The following XKR7 variants were observed in gnomAD, a reference collection of about 807,000 sequenced individuals.
XKR7 encodes the protein XK related 7.
In XKR7, 11 loss-of-function variants were observed where a neutral mutation model predicts 42.2. That is an observed-to-expected ratio of 0.26 (90% CI 0.16 to 0.43). The LOEUF (loss-of-function observed/expected upper bound fraction) is 0.43, where lower values mean the gene tolerates loss of function less well. XKR7 is among the 20% of genes least tolerant of loss of function. XKR7 has a pLI of 1.00. For synonymous variants in XKR7, 346 were observed against 366.4 expected (o/e 0.94, Z 0.64); for missense variants, 710 against 802.2 (o/e 0.89, Z 1.39).
chr20:31,976,472 C>T (rs1019671992), intron 1 of XKR7, among the ~76,000 whole-genome samples: 7 of 151,948 alleles, frequency 4.6e-5, no homozygotes, highest in Admixed American at 3.3e-4. Context: ...GCAACCTCTG[C>T]CTCCCCGGTT....
At position 31,997,001 on chromosome 20, in the gene XKR7, C is replaced by T. The variant is rs778853999; in HGVS notation, c.1284C>T (p.Gly428=). ...TAGTGGCCTCCAGCTTTGCGCTGGGCATATTCTTCATGTGTGTCTACTACT... is the reference window on the plus strand; with the variant it reads ...TAGTGGCCTCCAGCTTTGCGCTGGGTATATTCTTCATGTGTGTCTACTACT... ...VCVVASSFAL[G]IFFMCVYYCL... is the part of the protein sequence containing the mutation. Residue 428 remains glycine (G), a synonymous_variant, in exon 3 of 3, where the codon GGC becomes GGT. Coordinates refer to ENST00000562532, the MANE Select transcript of XKR7 (RefSeq NM_001011718.2). 1 of 1,614,098 alleles carries T rather than the reference C, an allele frequency of 6.2e-7. No homozygotes were observed. Among genetic ancestry groups the T allele is most frequent in the Admixed American group, 1.7e-5 (1 of 60,030 alleles).
Position 32,000,297 on chromosome 20 carries a change from C to T in XKR7, c.*2840C>T, listed in dbSNP as rs940399286. 1 of 152,556 alleles carries T rather than the reference C, an allele frequency of 6.6e-6. No individual in the cohort carries two copies. The highest frequency in any genetic ancestry group is 2.4e-5 in the African/African-American group (1 of 41,434). The allele number at this position is 152,556 out of a possible 1,614,324, so 9.5% of individuals were successfully genotyped here. ...AGCTGTTTTGTTTTTCTTTCTGTGA[C>T]ACAATCTACCTCAGCCAGTCTCTCC... On this transcript the variant is annotated 3_prime_UTR_variant, in exon 3 of 3. Coordinates refer to ENST00000562532, the MANE Select transcript of XKR7 (RefSeq NM_001011718.2).
chr20:31,979,542 G>C (rs1274302892), intron 1 of XKR7, among the ~76,000 whole-genome samples: 1 of 152,176 alleles, frequency 6.6e-6, no homozygotes, highest in Non-Finnish European at 1.5e-5. Flanking sequence ...CAGGGCATCA[G>C]TTGGCTGGAA....
chr20:31,988,225 T>C (rs1401245549), intron 1 of XKR7, among the ~76,000 whole-genome samples: 1 of 152,172 alleles, frequency 6.6e-6, no homozygotes, highest in East Asian at 1.9e-4. Flanking sequence ...AGAAGCTTCC[T>C]GGCTTCTCAA....
chr20:31,971,029 C>T (rs149077698), intron 1 of XKR7, among the ~76,000 whole-genome samples: 6 of 152,312 alleles, frequency 3.9e-5, no homozygotes, highest in Non-Finnish European at 8.8e-5. Context: ...TTCAATTTAT[C>T]CACCTTGTAA....
chr20:31,973,667 GA>G (rs1332692872), intron 1 of XKR7, among the ~76,000 whole-genome samples: 1 of 152,104 alleles, frequency 6.6e-6, no homozygotes, highest in African/African-American at 2.4e-5. Context: ...GCAGGCAAAG[GA>G]AAAGGGAAGG....
intron 1 of XKR7, among the ~76,000 whole-genome samples, chr20:31,980,131 GAAAAAAA>G (rs397968046): frequency 3.1e-5 from 3 of 95,464 alleles, no homozygotes; most frequent in African/African-American, 7.1e-5. Flanking sequence ...CTTTAGCCCA[GAAAAAAA>G]AAAAAAAAAA....
chr20:31,994,973 G>A, intron 1 of XKR7, 95 bp from the exon 2 acceptor site: 1 of 1,508,216 alleles, frequency 6.6e-7, no homozygotes, highest in Non-Finnish European at 8.8e-7. Flanking sequence ...CGTAGGGAGT[G>A]ACTTGCCCCC....
chr20:31,993,891 G>A (rs887290133), intron 1 of XKR7, among the ~76,000 whole-genome samples: 5 of 152,212 alleles, frequency 3.3e-5, no homozygotes, highest in Admixed American at 6.5e-5. Context: ...GTCATCCCGG[G>A]TTGGGGCCGG....
At chr20:31,985,781 C>CACAG (rs34231055) in intron 1 of XKR7, among the ~76,000 whole-genome samples, 37,701 of 112,556 alleles carry the variant, frequency 0.33, 7,769 homozygotes, top group African/African-American at 0.51. Flanking sequence ...GCATCCAAGA[C>CACAG]ACAGACAGAC....
chr20:31,997,433 G>T lies in XKR7; in HGVS notation c.1716G>T (p.Leu572=). ...GGAGTGTGGGGACTTCCCAGGAGCT[G>T]CTGGAGTATGAGACCACAGTGTAGG... is the stretch of plus-strand genomic sequence containing the variant. ...QYRSVGTSQE[L]LEYETTV is the part of the protein sequence containing the mutation. Residue 572 remains leucine (L), a synonymous_variant, in exon 3 of 3, where the codon CTG becomes CTT. Coordinates refer to ENST00000562532, the MANE Select transcript of XKR7 (RefSeq NM_001011718.2). 1 of 1,598,182 alleles carries T rather than the reference G, an allele frequency of 6.3e-7. No individual in the cohort carries two copies. The highest frequency in any genetic ancestry group is 8.5e-7 in the Non-Finnish European group (1 of 1,179,328).
intron 1 of XKR7, among the ~76,000 whole-genome samples, chr20:31,985,493 C>T (rs764660172): frequency 6.6e-6 from 1 of 151,976 alleles, no homozygotes. Context: ...CACCAAGCCA[C>T]GAGCTGAGCA....
At position 31,996,700 on chromosome 20, in the gene XKR7, T is replaced by C. The variant is rs1354377856; in HGVS notation, c.983T>C (p.Phe328Ser). 1 of 1,611,878 alleles carries C rather than the reference T, an allele frequency of 6.2e-7. No homozygotes were observed. The highest frequency in any genetic ancestry group is 1.1e-5 in the South Asian group (1 of 90,800). ...ALFASVYKLYFGIFIVAHWCV... is the reference protein window; with the variant it reads ...ALFASVYKLYSGIFIVAHWCV... ...TTCGCCAGCGTCTACAAGCTCTATT[T>C]TGGCATCTTCATCGTGGCCCACTGG... is the stretch of plus-strand genomic sequence containing the variant. The change falls in exon 3 of 3, where the codon TTT (phenylalanine) becomes TCT (serine). Residue 328 changes from phenylalanine (F) to serine (S), a missense_variant. By Grantham distance (155) the Phe-to-Ser change is radical. Transcript: ENST00000562532.
At chr20:31,985,872 CACAG>C (rs796410926) in intron 1 of XKR7, among the ~76,000 whole-genome samples, 8 of 135,962 alleles carry the variant, frequency 5.9e-5, no homozygotes, top group Admixed American at 2.2e-4. Flanking sequence ...AGCATCCAGA[CACAG>C]ACAGACAGAC....
Position 31,995,600 on chromosome 20 carries a change from T to G in XKR7, c.787+330T>G, listed in dbSNP as rs548007232. ...AAACCCCATCTCCCACCCAAACACCTTAGACCCTCTGGGGAATCCCCTGCC... is the reference window on the plus strand; with the variant it reads ...AAACCCCATCTCCCACCCAAACACCGTAGACCCTCTGGGGAATCCCCTGCC... On this transcript the variant is annotated intron_variant, in intron 2 of 2. Coordinates refer to ENST00000562532, the MANE Select transcript of XKR7 (RefSeq NM_001011718.2). The surrounding 1 kb of genome is among the most constrained non-coding windows in gnomAD (Gnocchi z 4.1). Among the ~76,000 whole-genome samples the G allele has an allele frequency of 3.3e-5, 5 of 151,784 alleles. No homozygotes were observed. The South Asian group carries it at 8.3e-4, about 25-fold the overall frequency.
chr20:31,972,494 C>T (rs1236934790), intron 1 of XKR7, among the ~76,000 whole-genome samples: 1 of 152,186 alleles, frequency 6.6e-6, no homozygotes, highest in African/African-American at 2.4e-5. Flanking sequence ...CCCTCCCTTC[C>T]CTTTAAACTC....
chr20:31,994,823 C>T (rs2064583465), intron 1 of XKR7, among the ~76,000 whole-genome samples: 2 of 152,216 alleles, frequency 1.3e-5, no homozygotes, highest in South Asian at 4.1e-4. Flanking sequence ...AAGGGCGATA[C>T]CGCTGTTGTA....
At position 31,993,825 on chromosome 20, in the gene XKR7, G is replaced by A. The variant is rs566720371; in HGVS notation, c.585-1243G>A. On this transcript the variant is annotated intron_variant, in intron 1 of 2. Transcript: ENST00000562532. Reference sequence around the variant, plus strand: ...TTACCCTAGGTGGAAGGTGGTCAGCGGAAGCTTTATGGACAAAATTGTGTT... The same window carrying A: ...TTACCCTAGGTGGAAGGTGGTCAGCAGAAGCTTTATGGACAAAATTGTGTT... Among the ~76,000 whole-genome samples the A allele has an allele frequency of 3.9e-5, 6 of 152,258 alleles. 1 individual carries two copies. The East Asian group carries it at 7.7e-4, about 20-fold the overall frequency.
intron 1 of XKR7, among the ~76,000 whole-genome samples, chr20:31,990,850 C>T (rs986019120): frequency 7.9e-5 from 12 of 152,050 alleles, no homozygotes; most frequent in African/African-American, 2.7e-4. Flanking sequence ...GAGAGCTTTT[C>T]GTGCTGGCTG....
Sources: allele counts gnomAD v4.1 joint callset (sites outside exome capture counted in the v4.1 genomes callset), GRCh38; gene constraint gnomAD v4.1.1; non-coding constraint Gnocchi (gnomAD v3.1); transcripts MANE v1.5; gene names NCBI Gene and HGNC (gene_info 2026-07-23, HGNC 2026-07-21).